Variants in LHFPL6 observed in about 807,000 individuals in gnomAD.
LHFPL6 encodes the protein LHFPL tetraspan subfamily member 6 protein.
LHFPL6 carries 9 observed loss-of-function variants against 20.6 expected under a neutral mutation model. The ratio of observed to expected loss-of-function variants is 0.44; its 90% CI spans 0.26 to 0.76. The LOEUF is 0.76. Among genes scored for constraint, LHFPL6 ranks in the 30% least tolerant of loss-of-function variants. The pLI is 0.20. For missense variants in LHFPL6, 218 were observed against 253.5 expected, an observed-to-expected ratio of 0.86 and a Z score of 0.95; for synonymous variants, 105 against 98.7, an observed-to-expected ratio of 1.06 and a Z score of -0.38.
At chr13:39,441,633 C>T (rs1457768252) in intron 2 of LHFPL6, among the ~76,000 whole-genome samples, 3 of 151,970 alleles carry the variant, frequency 2.0e-5, no homozygotes, top group East Asian at 1.9e-4. Context: ...CCACCTCAGC[C>T]TCCCAAGTAG....
intron 2 of LHFPL6, among the ~76,000 whole-genome samples, chr13:39,379,657 T>C (rs1230628896): frequency 6.6e-6 from 1 of 152,120 alleles, no homozygotes; most frequent in Non-Finnish European, 1.5e-5. Flanking sequence ...TAGTAATCCA[T>C]ACAAATAATC....
chr13:39,531,236 C>T (rs1366057672), intron 2 of LHFPL6, among the ~76,000 whole-genome samples: 1 of 152,142 alleles, frequency 6.6e-6, no homozygotes, highest in African/African-American at 2.4e-5. Flanking sequence ...AGTGACATGA[C>T]TATTAGGAAA....
At chr13:39,536,058 G>A (rs1281049347) in intron 2 of LHFPL6, among the ~76,000 whole-genome samples, 4 of 152,164 alleles carry the variant, frequency 2.6e-5, no homozygotes, top group African/African-American at 4.8e-5. Context: ...TACATTCAAT[G>A]TGTTTTCATT....
chr13:39,379,074 TGAGCATCC>T (rs2138360227), intron 2 of LHFPL6, among the ~76,000 whole-genome samples: 2 of 149,546 alleles, frequency 1.3e-5, no homozygotes, highest in Non-Finnish European at 3.0e-5. Flanking sequence ...GGAGAATCAC[TGAGCATCC>T]ACGCATCTCA....
chr13:39,344,849 G>C (rs1333420650), intron 3 of LHFPL6, among the ~76,000 whole-genome samples: 1 of 152,186 alleles, frequency 6.6e-6, no homozygotes, highest in African/African-American at 2.4e-5. Flanking sequence ...CTTACCCATA[G>C]TCATATGCTT....
chr13:39,343,729 T>A lies in LHFPL6; in HGVS notation c.*207A>T, dbSNP rs1869314196. 2 of 490,400 alleles carry A rather than the reference T, an allele frequency of 4.1e-6. No homozygotes were observed. Among genetic ancestry groups the A allele is most frequent in the Non-Finnish European group, 7.2e-6 (2 of 276,250 alleles). 30.4% of individuals were successfully genotyped at this position (490,400 alleles called of 1,614,324 possible). On this transcript the variant is annotated 3_prime_UTR_variant, in exon 4 of 4. Coordinates refer to ENST00000379589, the MANE Select transcript of LHFPL6 (RefSeq NM_005780.3). ...TTAGCCTTTGGTCCATTTTTCTCCA[T>A]CATTCTATACTCTCCTTTTTTTTCC...
At chr13:39,571,086 G>A (rs570998186) in intron 2 of LHFPL6, among the ~76,000 whole-genome samples, 1 of 152,268 alleles carries the variant, frequency 6.6e-6, no homozygotes, top group African/African-American at 2.4e-5. Flanking sequence ...AATGCTGAAA[G>A]ATGCCTCAAA....
At chr13:39,439,570 C>T (rs1479945020) in intron 2 of LHFPL6, among the ~76,000 whole-genome samples, 1 of 152,070 alleles carries the variant, frequency 6.6e-6, no homozygotes, top group African/African-American at 2.4e-5. Context: ...GGATCTTTGT[C>T]CCTGCCCAAA....
At chr13:39,540,252 G>A (rs2138503044) in intron 2 of LHFPL6, among the ~76,000 whole-genome samples, 1 of 152,188 alleles carries the variant, frequency 6.6e-6, no homozygotes, top group Admixed American at 6.5e-5. Flanking sequence ...AGGCAGTAAA[G>A]TAGGATACTC....
chr13:39,456,910 C>T (rs1872585249), intron 2 of LHFPL6, among the ~76,000 whole-genome samples: 1 of 152,004 alleles, frequency 6.6e-6, no homozygotes, highest in Admixed American at 6.5e-5. Flanking sequence ...CATTCTCCTG[C>T]CTCAGCCTCC....
intron 2 of LHFPL6, among the ~76,000 whole-genome samples, chr13:39,383,412 T>G (rs1246288447): frequency 6.6e-6 from 1 of 152,234 alleles, no homozygotes; most frequent in African/African-American, 2.4e-5. Context: ...GTTTAAATGT[T>G]AAGTTAATTA....
intron 2 of LHFPL6, among the ~76,000 whole-genome samples, chr13:39,554,408 T>C (rs747167367): frequency 1.3e-5 from 2 of 152,234 alleles, no homozygotes; most frequent in African/African-American, 2.4e-5. Context: ...TTAAAATGCA[T>C]GTCAGGACAT....
chr13:39,477,836 A>C (rs180847967), intron 2 of LHFPL6, among the ~76,000 whole-genome samples: 225 of 152,320 alleles, frequency 1.5e-3, no homozygotes, highest in Non-Finnish European at 2.6e-3. Context: ...AGCATCTAGA[A>C]GCATATCATA....
At position 39,397,124 on chromosome 13, in the gene LHFPL6, T is replaced by A. The variant is rs537939161; in HGVS notation, c.386-18598A>T. ...ATATATTCTTCTCTCATTTAATTTG[T>A]TTTACCCTCTTAGGCAATAAGTTAA... On this transcript the variant is annotated intron_variant, in intron 2 of 3. Coordinates refer to ENST00000379589, the MANE Select transcript of LHFPL6 (RefSeq NM_005780.3). Among the ~76,000 whole-genome samples, 6 of 152,244 alleles carry A rather than the reference T, an allele frequency of 3.9e-5. No homozygotes were observed. The South Asian group carries it at 1.2e-3, about 32-fold the overall frequency.
intron 2 of LHFPL6, among the ~76,000 whole-genome samples, chr13:39,480,498 C>A (rs945591167): frequency 2.6e-5 from 4 of 152,164 alleles, no homozygotes; most frequent in Non-Finnish European, 5.9e-5. Flanking sequence ...CAAGGCAGAA[C>A]CCCCTGAGAT....
intron 2 of LHFPL6, among the ~76,000 whole-genome samples, chr13:39,433,523 C>T (rs1285276869): frequency 6.6e-6 from 1 of 152,162 alleles, no homozygotes; most frequent in Non-Finnish European, 1.5e-5. Context: ...AGAGGAAACT[C>T]CTGACAAGGT....
intron 3 of LHFPL6, among the ~76,000 whole-genome samples, chr13:39,363,123 G>A (rs1165943331): frequency 2.0e-5 from 3 of 152,194 alleles, no homozygotes; most frequent in Non-Finnish European, 4.4e-5. Flanking sequence ...CTTCCAAAGA[G>A]AAAGACTATT....
intron 2 of LHFPL6, among the ~76,000 whole-genome samples, chr13:39,571,287 C>T (rs1885759): frequency 0.33 from 50,690 of 152,088 alleles, 9,802 homozygotes; most frequent in Non-Finnish European, 0.43. Flanking sequence ...TCTTCCTGTT[C>T]GATGCGCTTT....
intron 2 of LHFPL6, among the ~76,000 whole-genome samples, chr13:39,505,506 A>AT (rs1869445531): frequency 6.6e-6 from 1 of 152,190 alleles, no homozygotes; most frequent in Non-Finnish European, 1.5e-5. Flanking sequence ...CTAAAAAAAA[A>AT]AAACACATGA....
Sources: gnomAD v4.1 joint callset for allele counts (sites outside exome capture counted in the v4.1 genomes callset) on GRCh38, gnomAD v4.1.1 for gene constraint, MANE v1.5 for transcripts, NCBI Gene and HGNC (gene_info 2026-07-23, HGNC 2026-07-21) for gene names.